Variants in FTO observed in about 807,000 individuals in gnomAD.
FTO encodes the protein FTO alpha-ketoglutarate dependent dioxygenase.
In FTO, 47 loss-of-function variants were observed where a neutral mutation model predicts 63.9. That is an observed-to-expected ratio of 0.74 (90% CI 0.58 to 0.94). The LOEUF (loss-of-function observed/expected upper bound fraction) is 0.94. Among genes scored for constraint, FTO ranks in the 40% least tolerant of loss-of-function variants. The pLI is 0.00. For synonymous variants in FTO, 207 were observed against 224.4 expected, an observed-to-expected ratio of 0.92 and a Z score of 0.69; for missense variants, 562 against 618.1, an observed-to-expected ratio of 0.91 and a Z score of 0.96.
chr16:54,100,163 A>G (rs757925662), intron 8 of FTO, among the ~76,000 whole-genome samples: 16 of 152,156 alleles, frequency 1.1e-4, no homozygotes, highest in Non-Finnish European at 1.6e-4. Context: ...TGATGTCTGT[A>G]TTTTGGAAGA....
rs148579300 is a variant in FTO at position 53,825,888 on chromosome 16, A to C, written c.148A>C (p.Ile50Leu). ...GTGGCAGCTGAAATATCCTAAACTA[A>C]TTCTCCGAGAAGCCAGCAGTGTATC... ...QQWQLKYPKL[I>L]LREASSVSEE... The change falls in exon 3 of 9, where the codon ATT becomes CTT. Residue 50 changes from isoleucine (I) to leucine (L), a missense_variant. Transcript: ENST00000471389. 1.2e-6 allele frequency: 2 copies of C among 1,613,950 alleles called. No individual in the cohort carries two copies. Among genetic ancestry groups the C allele is most frequent in the African/African-American group, 2.7e-5 (2 of 74,922 alleles).
At chr16:53,879,776 C>T in intron 5 of FTO, 68 bp from the exon 6 acceptor site, 1 of 1,586,438 alleles carries the variant, frequency 6.3e-7, no homozygotes, top group Non-Finnish European at 8.6e-7. Context: ...TATGAACAAT[C>T]CTAGGAAGGA....
chr16:53,998,790 A>C (rs2084000701), intron 8 of FTO: 1 of 152,172 alleles, frequency 6.6e-6, no homozygotes, highest in Non-Finnish European at 1.5e-5. Flanking sequence ...GAAACACCTT[A>C]TTTCTCAGGA....
chr16:53,879,877 C>A lies in FTO; in HGVS notation c.1009C>A (p.Arg337Ser). 1 of 1,613,798 alleles carries A rather than the reference C, an allele frequency of 6.2e-7. No homozygotes were observed. The highest frequency in any genetic ancestry group is 1.1e-5 in the South Asian group (1 of 91,068). The change falls in exon 6 of 9, where the codon CGC becomes AGC. Residue 337 changes from arginine to serine, a missense_variant. Physicochemically the swap from Arg to Ser is moderately radical, Grantham distance 110. Coordinates refer to ENST00000471389, the MANE Select transcript of FTO (RefSeq NM_001080432.3). ...AGGAACCTTGGATTATATTTTACAA[C>A]GCTGTCAGTTGGCTCTGCAGAATGT... ...STGTLDYILQ[R>S]CQLALQNVCD... is the part of the protein sequence containing the mutation.
chr16:54,008,885 G>A (rs1317029243), intron 8 of FTO, among the ~76,000 whole-genome samples: 1 of 151,446 alleles, frequency 6.6e-6, no homozygotes, highest in African/African-American at 2.4e-5. Flanking sequence ...GGTGGCATGT[G>A]CCTGTAGTCC....
chr16:53,888,433 T>TTTTAAAA (rs1283533485), intron 6 of FTO, among the ~76,000 whole-genome samples: 5 of 151,384 alleles, frequency 3.3e-5, no homozygotes, highest in Non-Finnish European at 4.4e-5. Context: ...GCCAATTTAT[T>TTTTAAAA]AGTAGCTTGG....
intron 3 of FTO, among the ~76,000 whole-genome samples, chr16:53,831,041 C>G (rs2079129647): frequency 6.6e-6 from 1 of 152,142 alleles, no homozygotes; most frequent in African/African-American, 2.4e-5. Context: ...GATTTCCATT[C>G]ATGTCTTTGA....
intron 8 of FTO, among the ~76,000 whole-genome samples, chr16:53,938,914 C>T (rs146099917): frequency 6.6e-6 from 1 of 151,372 alleles, no homozygotes; most frequent in African/African-American, 2.4e-5. Flanking sequence ...ACGGTGAAAC[C>T]CTGTCTCTAC....
intron 8 of FTO, among the ~76,000 whole-genome samples, chr16:54,035,291 C>G (rs1331723633): frequency 6.6e-6 from 1 of 152,164 alleles, no homozygotes; most frequent in Non-Finnish European, 1.5e-5. Flanking sequence ...AAATGAAACC[C>G]CTACGAGGCT....
intron 7 of FTO, among the ~76,000 whole-genome samples, chr16:53,890,576 T>G: frequency 6.6e-6 from 1 of 152,218 alleles, no homozygotes; most frequent in Non-Finnish European, 1.5e-5. Flanking sequence ...CTTTAAATCA[T>G]ACCTTTTCAT....
intron 8 of FTO, among the ~76,000 whole-genome samples, chr16:54,028,883 C>T (rs2084773270): frequency 6.6e-6 from 1 of 152,000 alleles, no homozygotes; most frequent in Non-Finnish European, 1.5e-5. Context: ...GATATTTCTT[C>T]ATTATAGAAA....
intron 4 of FTO, among the ~76,000 whole-genome samples, chr16:53,861,436 CTT>C (rs1472481103): frequency 2.0e-5 from 3 of 152,058 alleles, no homozygotes; most frequent in Non-Finnish European, 2.9e-5. Flanking sequence ...AGGTTGAACA[CTT>C]TGTATTTTTG....
chr16:54,051,550 C>A (rs1180639858), intron 8 of FTO, among the ~76,000 whole-genome samples: 1 of 152,236 alleles, frequency 6.6e-6, no homozygotes, highest in Admixed American at 6.5e-5. Context: ...ACATGGCATC[C>A]CAATACAGTT....
At chr16:54,053,137 A>G (rs1477657313) in intron 8 of FTO, among the ~76,000 whole-genome samples, 2 of 152,194 alleles carry the variant, frequency 1.3e-5, no homozygotes, top group East Asian at 1.9e-4. Flanking sequence ...TGCCACTTCT[A>G]TTCTTAATAA....
At chr16:53,940,323 C>T (rs920505562) in intron 8 of FTO, among the ~76,000 whole-genome samples, 2 of 152,082 alleles carry the variant, frequency 1.3e-5, no homozygotes, top group Admixed American at 6.6e-5. Flanking sequence ...AGGACTTACC[C>T]CTCTTGTTGG....
chr16:54,033,676 G>A (rs2084879867), intron 8 of FTO, among the ~76,000 whole-genome samples: 1 of 152,070 alleles, frequency 6.6e-6, no homozygotes, highest in Middle Eastern at 3.2e-3. Flanking sequence ...ACTTAACAGG[G>A]TGTGGTGGTT....
At chr16:53,785,867 G>A (rs1002061757) in intron 1 of FTO, among the ~76,000 whole-genome samples, 8 of 149,064 alleles carry the variant, frequency 5.4e-5, no homozygotes, top group Non-Finnish European at 1.2e-4. Context: ...CCGAGATTCC[G>A]CCGCTGCACT....
chr16:54,081,541 T>C (rs1257111706), intron 8 of FTO, among the ~76,000 whole-genome samples: 1 of 152,206 alleles, frequency 6.6e-6, no homozygotes, highest in Non-Finnish European at 1.5e-5. Flanking sequence ...CTGGCCATGT[T>C]CAGTCCACCC....
chr16:53,779,898 C>T (rs1223726786), intron 1 of FTO, among the ~76,000 whole-genome samples: 1 of 152,134 alleles, frequency 6.6e-6, no homozygotes, highest in African/African-American at 2.4e-5. Context: ...ACAATTTTCT[C>T]CACTTCTGTC....
Sources: allele counts gnomAD v4.1 joint callset (sites outside exome capture counted in the v4.1 genomes callset), GRCh38; gene constraint gnomAD v4.1.1; transcripts MANE v1.5; gene names NCBI Gene and HGNC (gene_info 2026-07-23, HGNC 2026-07-21).